RANBP2: variants seen among roughly 807,000 people sequenced by gnomAD.
RANBP2 encodes the protein RAN binding protein 2, also known as E3 SUMO-protein ligase RanBP2.
A neutral mutation model predicts 303.6 loss-of-function variants in RANBP2; 57 were observed. That is an observed-to-expected ratio of 0.19 (90% CI 0.15 to 0.23). The LOEUF is 0.23. Ranked by LOEUF, RANBP2 falls within the 10% of genes least tolerant of loss-of-function variation. The pLI, the probability that RANBP2 is intolerant of heterozygous loss-of-function variation, is 1.00. For synonymous variants in RANBP2, 1,167 were observed against 1,301.5 expected (o/e 0.90, Z 2.23); for missense variants, 3,138 against 3,780.8 (o/e 0.83, Z 4.46).
the RANBP2 span, among the ~76,000 whole-genome samples, chr2:109,195,354 TGAG>T: frequency 1.3e-4 from 20 of 152,274 alleles, no homozygotes; most frequent in Admixed American, 5.2e-4. Context: ...AAGGGGCAAG[TGAG>T]GAGCTGCTGC....
the RANBP2 span, chr2:108,798,545 G>A: frequency 6.2e-7 from 1 of 1,613,486 alleles, no homozygotes; most frequent in South Asian, 1.1e-5. Flanking sequence ...AATTAAAGGT[G>A]TTGAAGAAGA....
At chr2:109,603,531 G>A in the RANBP2 span, among the ~76,000 whole-genome samples, 11 of 150,640 alleles carry the variant, frequency 7.3e-5, no homozygotes, top group African/African-American at 1.9e-4. Flanking sequence ...GCACCACCGC[G>A]CCCGGCCTCA....
chr2:109,246,812 C>T, the RANBP2 span, among the ~76,000 whole-genome samples: 13 of 152,178 alleles, frequency 8.5e-5, no homozygotes, highest in Non-Finnish European at 1.5e-5. Context: ...CAGTCGGATG[C>T]CCTAGCTCAT....
At chr2:109,186,188 C>G in the RANBP2 span, among the ~76,000 whole-genome samples, 16 of 152,224 alleles carry the variant, frequency 1.1e-4, no homozygotes, top group Admixed American at 1.0e-3. Context: ...ACTGAGATTT[C>G]TGTTTTTGCC....
chr2:108,918,014 T>G, the RANBP2 span, among the ~76,000 whole-genome samples: 1 of 151,930 alleles, frequency 6.6e-6, no homozygotes, highest in African/African-American at 2.4e-5. Flanking sequence ...CAAGTATGCA[T>G]TTTTATATTA....
chr2:109,693,090 A>G, the RANBP2 span, among the ~76,000 whole-genome samples: 1 of 152,142 alleles, frequency 6.6e-6, no homozygotes, highest in Admixed American at 6.5e-5. Context: ...AAGTCTGATA[A>G]GAAACATTTG....
chr2:109,226,276 G>A, the RANBP2 span, among the ~76,000 whole-genome samples: 1 of 152,264 alleles, frequency 6.6e-6, no homozygotes, highest in East Asian at 1.9e-4. Context: ...GTTAATGTAA[G>A]AGTAGTTATG....
the RANBP2 span, among the ~76,000 whole-genome samples, chr2:109,390,609 G>A: frequency 6.6e-6 from 1 of 152,188 alleles, no homozygotes; most frequent in South Asian, 2.1e-4. Flanking sequence ...GAGGAAGAAG[G>A]GTGACATAAC....
chr2:108,883,787 C>G, the RANBP2 span: 1 of 152,258 alleles, frequency 6.6e-6, no homozygotes, highest in Non-Finnish European at 1.5e-5. Flanking sequence ...GTCTGCCCCT[C>G]TTGGTTTCCC....
chr2:109,715,077 CCTT>C, the RANBP2 span, among the ~76,000 whole-genome samples: 2 of 151,912 alleles, frequency 1.3e-5, no homozygotes, highest in East Asian at 1.9e-4. Context: ...AAGTGATTCT[CCTT>C]CTTCAGCCTC....
intron 17 of RANBP2, 148 bp from the exon 18 acceptor site, chr2:108,758,265 C>T: frequency 7.5e-7 from 1 of 1,338,484 alleles, no homozygotes; most frequent in Non-Finnish European, 1.0e-6. Context: ...CCATTGCACT[C>T]CAGCCTGGAC....
At chr2:109,078,210 CGTAT>C in the RANBP2 span, among the ~76,000 whole-genome samples, 3,214 of 34,642 alleles carry the variant, frequency 0.093, 546 homozygotes, top group Non-Finnish European at 0.13. Flanking sequence ...ATATATATAG[CGTAT>C]ATATATATAG....
At chr2:108,860,875 G>T in the RANBP2 span, among the ~76,000 whole-genome samples, 1 of 143,808 alleles carries the variant, frequency 7.0e-6, no homozygotes, top group South Asian at 2.2e-4. Flanking sequence ...CAATAGAATT[G>T]GTATCAGCTC....
chr2:109,485,888 G>A, the RANBP2 span, among the ~76,000 whole-genome samples: 608 of 152,356 alleles, frequency 4.0e-3, 7 homozygotes, highest in African/African-American at 0.014. Flanking sequence ...CCAGTCCCTG[G>A]CCCTCCCTGG....
the RANBP2 span, among the ~76,000 whole-genome samples, chr2:109,316,966 T>G: frequency 2.6e-5 from 4 of 152,290 alleles, no homozygotes; most frequent in Middle Eastern, 0.01. Flanking sequence ...TCCATGTCTT[T>G]TCATGGCTTC....
At chr2:109,424,051 G>C in the RANBP2 span, among the ~76,000 whole-genome samples, 1 of 152,198 alleles carries the variant, frequency 6.6e-6, no homozygotes, top group African/African-American at 2.4e-5. Context: ...GGCCCTGGTG[G>C]TGGCAGCACA....
chr2:108,975,686 C>T, the RANBP2 span, among the ~76,000 whole-genome samples: 3 of 152,132 alleles, frequency 2.0e-5, no homozygotes, highest in South Asian at 4.2e-4. Flanking sequence ...GCTTGCGAAG[C>T]CCCTGGCCAG....
At chr2:109,564,272 C>G in the RANBP2 span, 1 of 1,177,406 alleles carries the variant, frequency 8.5e-7, no homozygotes, top group Non-Finnish European at 1.1e-6. Flanking sequence ...TTGGGAGATT[C>G]TAAAGAACAC....
At chr2:109,714,222 C>G in the RANBP2 span, among the ~76,000 whole-genome samples, 1 of 152,006 alleles carries the variant, frequency 6.6e-6, no homozygotes. Flanking sequence ...AACAGCTGGA[C>G]CAATAGGCAC....
Sources: gnomAD v4.1 joint callset for allele counts (sites outside exome capture counted in the v4.1 genomes callset) on GRCh38, gnomAD v4.1.1 for gene constraint, MANE v1.5 for transcripts, NCBI Gene and HGNC (gene_info 2026-07-23, HGNC 2026-07-21) for gene names.